Variants in AP2B1 observed in about 807,000 individuals in gnomAD.
AP2B1 encodes the protein AP-2 complex subunit beta.
A neutral mutation model predicts 102.0 loss-of-function variants in AP2B1; 23 were observed. The ratio of observed to expected loss-of-function variants is 0.23; its 90% CI spans 0.16 to 0.32. AP2B1 has a LOEUF of 0.32. Ranked by LOEUF, AP2B1 falls within the 10% of genes least tolerant of loss-of-function variation. The probability of loss-of-function intolerance (pLI) is 1.00; values close to 1 mark genes in which losing one functional copy is unlikely to be tolerated. For synonymous variants in AP2B1, 381 were observed against 421.2 expected (o/e 0.90, Z 1.17); for missense variants, 541 against 1,157.4 (o/e 0.47, Z 7.73).
At chr17:35,666,993 A>C (rs1045448046) in intron 14 of AP2B1, among the ~76,000 whole-genome samples, 1 of 152,194 alleles carries the variant, frequency 6.6e-6, no homozygotes, top group Admixed American at 6.5e-5. Flanking sequence ...GTCCAACTGA[A>C]CTGAAATAGC....
chr17:35,698,828 C>T (rs756883610), intron 18 of AP2B1, among the ~76,000 whole-genome samples: 1 of 152,214 alleles, frequency 6.6e-6, no homozygotes, highest in Non-Finnish European at 1.5e-5. Context: ...TCTGACCTTG[C>T]TGTGCTTTGG....
At chr17:35,712,378 C>G (rs1002445970) in intron 20 of AP2B1, among the ~76,000 whole-genome samples, 1 of 152,152 alleles carries the variant, frequency 6.6e-6, no homozygotes, top group Non-Finnish European at 1.5e-5. Context: ...CCTGTAATCC[C>G]AGCACTTTGG....
intron 3 of AP2B1, among the ~76,000 whole-genome samples, chr17:35,599,032 T>C (rs1202179145): frequency 6.6e-6 from 1 of 152,230 alleles, no homozygotes; most frequent in Non-Finnish European, 1.5e-5. Context: ...TGGTAGTCAT[T>C]GTATTCCTTA....
At chr17:35,644,919 C>T (rs1226235139) in intron 12 of AP2B1, among the ~76,000 whole-genome samples, 1 of 151,960 alleles carries the variant, frequency 6.6e-6, no homozygotes, top group Non-Finnish European at 1.5e-5. Context: ...GTAATCCCAG[C>T]TACTTGGGAG....
At chr17:35,687,933 G>A (rs2075969302) in intron 18 of AP2B1, among the ~76,000 whole-genome samples, 1 of 152,164 alleles carries the variant, frequency 6.6e-6, no homozygotes, top group Non-Finnish European at 1.5e-5. Context: ...AAAACTTTTT[G>A]TAGATAATTG....
intron 10 of AP2B1, among the ~76,000 whole-genome samples, chr17:35,637,868 A>G (rs2074654816): frequency 6.6e-6 from 1 of 151,876 alleles, no homozygotes; most frequent in Admixed American, 6.6e-5. Context: ...TATTTTTAGT[A>G]GAGACAGGGT....
intron 18 of AP2B1, among the ~76,000 whole-genome samples, chr17:35,707,134 CTTG>C (rs71366478): frequency 3.5e-4 from 53 of 150,978 alleles, no homozygotes; most frequent in Admixed American, 7.9e-4. Context: ...TGGTACATCC[CTTG>C]TTGTTGTTGT....
chr17:35,720,569 ATATATTTTTTTTTT>A (rs1290036208), intron 21 of AP2B1, among the ~76,000 whole-genome samples: 510 of 50,348 alleles, frequency 0.01, 12 homozygotes, highest in South Asian at 0.054. Flanking sequence ...ATATATATAT[ATATATTTTTTTTTT>A]TTTTTTTTTT....
rs1249652103 is a variant in AP2B1 at position 35,674,287 on chromosome 17, A to G, written c.2290A>G (p.Met764Val). Residue 764 changes from methionine (M) to valine (V), a missense_variant, in exon 17 of 22, where the codon ATG (methionine) becomes GTG (valine). Around this residue, in one of 10 missense-constraint regions of AP2B1, gnomAD observed 62 missense variants for 87.6 expected, o/e 0.71. Transcript: ENST00000610402. ...MNFTNKALQHMTDFAIQFNKN... is the reference protein window; with the variant it reads ...MNFTNKALQHVTDFAIQFNKN... ...CTTCACCAATAAAGCTCTGCAGCAC[A>G]TGACAGATTTTGCAATCCAGTTTAA... 1 of 1,614,208 alleles carries G rather than the reference A, an allele frequency of 6.2e-7. No homozygotes were observed. Among genetic ancestry groups the G allele is most frequent in the Non-Finnish European group, 8.5e-7 (1 of 1,180,026 alleles).
chr17:35,714,772 A>C lies in AP2B1; in HGVS notation c.2627-2423A>C, dbSNP rs148813552. Among the ~76,000 whole-genome samples, 977 of 152,302 alleles carry C rather than the reference A, an allele frequency of 6.4e-3. 9 individuals are homozygous for C. Among genetic ancestry groups the C allele is most frequent in the African/African-American group, 0.022 (930 of 41,558 alleles). On this transcript the variant is annotated intron_variant, in intron 20 of 21. Coordinates refer to ENST00000610402, the MANE Select transcript of AP2B1 (RefSeq NM_001030006.2). ...ATCATATCTTGAACGAAGGGTAACT[A>C]TATTTGACCATCTTTTTTTATTCTA...
intron 18 of AP2B1, among the ~76,000 whole-genome samples, chr17:35,684,128 GC>G (rs2075881471): frequency 6.6e-6 from 1 of 152,096 alleles, no homozygotes; most frequent in South Asian, 2.1e-4. Flanking sequence ...TAAATTTAGG[GC>G]CTTCAAGACC....
At chr17:35,706,244 A>G (rs1175586127) in intron 18 of AP2B1, among the ~76,000 whole-genome samples, 2 of 150,960 alleles carry the variant, frequency 1.3e-5, no homozygotes. Flanking sequence ...GTTTAGCACC[A>G]CTTACCTAGA....
chr17:35,700,056 T>C (rs2076213093), intron 18 of AP2B1, among the ~76,000 whole-genome samples: 1 of 151,880 alleles, frequency 6.6e-6, no homozygotes. Flanking sequence ...TGATTATGCC[T>C]CCACACTCCA....
chr17:35,701,494 C>T (rs942490410), intron 18 of AP2B1, among the ~76,000 whole-genome samples: 1 of 152,170 alleles, frequency 6.6e-6, no homozygotes, highest in African/African-American at 2.4e-5. Flanking sequence ...TCATATTATA[C>T]CCCTAATCTT....
intron 17 of AP2B1, among the ~76,000 whole-genome samples, chr17:35,681,655 A>T (rs141901016): frequency 4.3e-4 from 66 of 152,218 alleles, no homozygotes; most frequent in African/African-American, 1.5e-3. Context: ...CTCCTGCCTC[A>T]GCCTCCCAAA....
intron 12 of AP2B1, among the ~76,000 whole-genome samples, chr17:35,645,299 G>A (rs1268721874): frequency 6.6e-6 from 1 of 152,140 alleles, no homozygotes; most frequent in African/African-American, 2.4e-5. Context: ...ACATGACTGA[G>A]CAAATTTCTT....
chr17:35,632,820 G>A (rs2074499638), intron 9 of AP2B1, among the ~76,000 whole-genome samples: 1 of 151,720 alleles, frequency 6.6e-6, no homozygotes, highest in Non-Finnish European at 1.5e-5. Context: ...CTAAATATGA[G>A]CTTTATATCA....
At chr17:35,700,588 C>CG (rs2076221921) in intron 18 of AP2B1, among the ~76,000 whole-genome samples, 1 of 152,012 alleles carries the variant, frequency 6.6e-6, no homozygotes, top group Non-Finnish European at 1.5e-5. Flanking sequence ...GGTGAGAGGT[C>CG]GGGTAAGAGG....
intron 17 of AP2B1, among the ~76,000 whole-genome samples, chr17:35,682,082 C>T (rs2075833176): frequency 6.6e-6 from 1 of 151,986 alleles, no homozygotes; most frequent in African/African-American, 2.4e-5. Context: ...CGGTGAAACC[C>T]CATCTCTACT....
Sources: gnomAD v4.1 joint callset for allele counts (sites outside exome capture counted in the v4.1 genomes callset) on GRCh38, gnomAD v4.1.1 for gene constraint, gnomAD v4.1.1 regional missense constraint, MANE v1.5 for transcripts, NCBI Gene and HGNC (gene_info 2026-07-23, HGNC 2026-07-21) for gene names.